CNGB3: variants seen among roughly 807,000 people sequenced by gnomAD.
CNGB3 encodes the protein cyclic nucleotide-gated channel beta-3.
A neutral mutation model predicts 92.8 loss-of-function variants in CNGB3; 86 were observed. The observed-to-expected ratio is 0.93, with a 90% CI of 0.78 to 1.11. The LOEUF is 1.11. Among genes scored for constraint, CNGB3 ranks in the 50% least tolerant of loss-of-function variants. CNGB3 has a pLI of 0.00. For synonymous variants in CNGB3, 333 were observed against 332.7 expected, an observed-to-expected ratio of 1.00 and a Z score of -0.01; for missense variants, 1,026 against 956.8, an observed-to-expected ratio of 1.07 and a Z score of -0.95.
At chr8:86,741,117 A>G (rs1396977244) in intron 1 of CNGB3, among the ~76,000 whole-genome samples, 1 of 152,210 alleles carries the variant, frequency 6.6e-6, no homozygotes, top group Admixed American at 6.5e-5. Flanking sequence ...ATGACTCTTT[A>G]AAAAACACAA....
At chr8:86,742,209 G>C (rs1200128544) in intron 1 of CNGB3, among the ~76,000 whole-genome samples, 4 of 152,152 alleles carry the variant, frequency 2.6e-5, no homozygotes, top group African/African-American at 9.7e-5. Context: ...AGTAGGCAAG[G>C]GTTAAAGATG....
intron 15 of CNGB3, among the ~76,000 whole-genome samples, chr8:86,598,992 C>A (rs1228068441): frequency 1.3e-5 from 2 of 152,144 alleles, no homozygotes; most frequent in Non-Finnish European, 2.9e-5. Context: ...TTTACATACC[C>A]CTCAGTAGGG....
chr8:86,582,320 G>C (rs1011359975), intron 15 of CNGB3, among the ~76,000 whole-genome samples: 8 of 151,506 alleles, frequency 5.3e-5, no homozygotes, highest in Non-Finnish European at 1.2e-4. Flanking sequence ...CTTGAGCTCA[G>C]AGGGTGGAGG....
chr8:86,707,059 A>G (rs1232851961), intron 3 of CNGB3, among the ~76,000 whole-genome samples: 1 of 152,232 alleles, frequency 6.6e-6, no homozygotes, highest in Non-Finnish European at 1.5e-5. Context: ...GATATTTTAC[A>G]TTTAATAATT....
At chr8:86,739,584 C>T (rs922894297) in intron 2 of CNGB3, 71 bp downstream of exon 2, 3 of 1,585,182 alleles carry the variant, frequency 1.9e-6, no homozygotes, top group African/African-American at 2.7e-5. Flanking sequence ...TTTCATCAGA[C>T]AGCACATTTC....
chr8:86,694,584 G>A (rs1328655193), intron 3 of CNGB3, among the ~76,000 whole-genome samples: 5 of 151,770 alleles, frequency 3.3e-5, no homozygotes, highest in African/African-American at 4.8e-5. Flanking sequence ...CTTCTCAGAC[G>A]GGGCGGCCGG....
At position 86,643,856 on chromosome 8, in the gene CNGB3, C is replaced by T. The variant is rs1192251945; in HGVS notation, c.1073G>A (p.Gly358Glu). Reference sequence around the variant, plus strand: ...AATGTGCAGAATAAACAGCAAGTATCCAGTTGTTCGAATAACTCTGTCAGA... The same window carrying T: ...AATGTGCAGAATAAACAGCAAGTATTCAGTTGTTCGAATAACTCTGTCAGA... ...AYIYRVIRTTGYLLFILHINA... is the reference protein window; with the variant it reads ...AYIYRVIRTTEYLLFILHINA... The change falls in exon 10 of 18, where the codon GGA becomes GAA. Residue 358 changes from glycine to glutamate, a missense_variant. By Grantham distance (98) the Gly-to-Glu change is moderately conservative (BLOSUM62 -2). Transcript: ENST00000320005. 3.1e-6 allele frequency: 5 copies of T among 1,606,112 alleles called. No individual in the cohort carries two copies. The Admixed American group carries it at 8.4e-5, about 27-fold the overall frequency.
chr8:86,596,401 TAAATA>T (rs1177899844), intron 15 of CNGB3, among the ~76,000 whole-genome samples: 4 of 152,048 alleles, frequency 2.6e-5, no homozygotes, highest in South Asian at 2.1e-4. Context: ...AAACCTCAAA[TAAATA>T]AAATAAAACA....
chr8:86,672,168 G>T (rs1450409906), intron 3 of CNGB3, among the ~76,000 whole-genome samples: 1 of 152,016 alleles, frequency 6.6e-6, no homozygotes, highest in African/African-American at 2.4e-5. Flanking sequence ...GTGTGATCTT[G>T]GCTCACTGCA....
At chr8:86,697,500 C>T (rs922885215) in intron 3 of CNGB3, among the ~76,000 whole-genome samples, 8 of 152,122 alleles carry the variant, frequency 5.3e-5, no homozygotes, top group Non-Finnish European at 7.4e-5. Flanking sequence ...GTTCAGCTTG[C>T]TATGAATTCA....
At chr8:86,697,787 C>T (rs1447016411) in intron 3 of CNGB3, among the ~76,000 whole-genome samples, 1 of 151,848 alleles carries the variant, frequency 6.6e-6, no homozygotes, top group Non-Finnish European at 1.5e-5. Context: ...GCTATCCCTC[C>T]CTCCTCCCCC....
At chr8:86,678,453 GC>G (rs1824016638) in intron 3 of CNGB3, among the ~76,000 whole-genome samples, 1 of 152,100 alleles carries the variant, frequency 6.6e-6, no homozygotes, top group African/African-American at 2.4e-5. Flanking sequence ...GGTATTGTTT[GC>G]ACACATCAGT....
chr8:86,705,838 A>C (rs1824642569), intron 3 of CNGB3, among the ~76,000 whole-genome samples: 1 of 152,180 alleles, frequency 6.6e-6, no homozygotes, highest in Admixed American at 6.5e-5. Context: ...GTTAGTTTAA[A>C]TGATGTGGAT....
chr8:86,726,560 T>G lies in CNGB3; in HGVS notation c.309A>C (p.Glu103Asp). 6.2e-7 allele frequency: 1 copy of G among 1,613,914 alleles called. No individual in the cohort carries two copies. Among genetic ancestry groups the G allele is most frequent in the Non-Finnish European group, 8.5e-7 (1 of 1,179,806 alleles). ...EPTGTVPEQK[E>D]MDPGKEGPNS... Reference sequence around the variant, plus strand: ...TTGGACCTTCTTTCCCGGGGTCCATTTCCTTCTGCTCTGGCACTGTTCCAG... The same window carrying G: ...TTGGACCTTCTTTCCCGGGGTCCATGTCCTTCTGCTCTGGCACTGTTCCAG... Residue 103 changes from glutamate to aspartate, a missense_variant, in exon 3 of 18, where the codon GAA (glutamate) becomes GAC (aspartate). Coordinates refer to ENST00000320005, the MANE Select transcript of CNGB3 (RefSeq NM_019098.5).
At chr8:86,616,811 C>T (rs1489949559) in intron 13 of CNGB3, among the ~76,000 whole-genome samples, 1 of 152,116 alleles carries the variant, frequency 6.6e-6, no homozygotes, top group Non-Finnish European at 1.5e-5. Flanking sequence ...ACTGGAGTCC[C>T]AGGAAGCCTG....
At chr8:86,740,766 GCAA>G (rs1825326587) in intron 1 of CNGB3, among the ~76,000 whole-genome samples, 1 of 152,176 alleles carries the variant, frequency 6.6e-6, no homozygotes, top group East Asian at 1.9e-4. Flanking sequence ...TATACATTAG[GCAA>G]GGCAGCTATT....
rs536006604 is a variant in CNGB3, at chr8:86,644,987, G to A, written c.991-301C>T. Among the ~76,000 whole-genome samples, 4 of 151,192 alleles carry A rather than the reference G, an allele frequency of 2.6e-5. No individual in the cohort carries two copies. In the South Asian group the frequency reaches 8.3e-4, roughly 31 times the overall value. On this transcript the variant is annotated intron_variant, in intron 8 of 17. Transcript: ENST00000320005. ...GTTTTCCTTTTTGTTTTGAAAGCAT[G>A]TAGTAGAACTCTGTTTCCCAACAAT...
chr8:86,735,144 C>CTTTTTTTT (rs10689543), intron 2 of CNGB3, among the ~76,000 whole-genome samples: 6,455 of 81,260 alleles, frequency 0.079, 1,616 homozygotes, highest in Middle Eastern at 0.11. Context: ...AAATGGTTGC[C>CTTTTTTTT]TTTTTTTTTT....
chr8:86,672,462 G>T lies in CNGB3; in HGVS notation c.339-1364C>A, dbSNP rs115141546. Among the ~76,000 whole-genome samples, 466 of 152,276 alleles carry T rather than the reference G, an allele frequency of 3.1e-3. 1 individual carries two copies. Among genetic ancestry groups the T allele is most frequent in the African/African-American group, 0.011 (438 of 41,564 alleles). On this transcript the variant is annotated intron_variant, in intron 3 of 17. Coordinates refer to ENST00000320005, the MANE Select transcript of CNGB3 (RefSeq NM_019098.5). ...GCATGGAGCATAGAGTAGACATTAG[G>T]ATACTTCATCAAGACCTGAGCTTCT...
Sources: gnomAD v4.1 joint callset for allele counts (sites outside exome capture counted in the v4.1 genomes callset) on GRCh38, gnomAD v4.1.1 for gene constraint, MANE v1.5 for transcripts, NCBI Gene and HGNC (gene_info 2026-07-23, HGNC 2026-07-21) for gene names.